Variants in FAF1 observed in about 807,000 individuals in gnomAD.
FAF1 encodes the protein FAS-associated factor 1.
Under a neutral mutation model 92.5 loss-of-function variants are expected in FAF1, and 25 were observed. The observed-to-expected ratio is 0.27, with a 90% CI of 0.20 to 0.38. FAF1 has a LOEUF of 0.38. Ranked by LOEUF, FAF1 falls within the 10% of genes least tolerant of loss-of-function variation. FAF1 has a pLI of 1.00. For missense variants in FAF1, 636 were observed against 793.3 expected (o/e 0.80, Z 2.38); for synonymous variants, 234 against 273.2 (o/e 0.86, Z 1.42).
intron 15 of FAF1, among the ~76,000 whole-genome samples, chr1:50,513,124 C>T (rs1011769412): frequency 5.3e-5 from 8 of 152,134 alleles, no homozygotes; most frequent in African/African-American, 1.7e-4. Flanking sequence ...ATGTACTAAG[C>T]GTTTCCAGGC....
chr1:50,562,958 AT>A (rs1427230140), intron 13 of FAF1, among the ~76,000 whole-genome samples: 10 of 152,312 alleles, frequency 6.6e-5, no homozygotes, highest in Middle Eastern at 3.4e-3. Context: ...TTTCCTTGTC[AT>A]TTTACCTAAA....
At position 50,477,864 on chromosome 1, in the gene FAF1, G is replaced by A. The variant is rs935367544; in HGVS notation, c.1654-2185C>T. Among the ~76,000 whole-genome samples, 23 of 152,170 alleles carry A rather than the reference G, an allele frequency of 1.5e-4. 1 individual carries two copies. Among genetic ancestry groups the A allele is most frequent in the Admixed American group, 1.1e-3 (17 of 15,282 alleles). On this transcript the variant is annotated intron_variant, in intron 17 of 18. Coordinates refer to ENST00000396153, the MANE Select transcript of FAF1 (RefSeq NM_007051.3). ...TGGAAGGGAAGGAATAAACTAACAT[G>A]CTAACTGAAATAATATATGTAAAAG...
At chr1:50,957,995 T>C (rs1009432031) in intron 1 of FAF1, among the ~76,000 whole-genome samples, 1 of 152,096 alleles carries the variant, frequency 6.6e-6, no homozygotes, top group African/African-American at 2.4e-5. Flanking sequence ...AAAAAGACGA[T>C]GATGAAAAAC....
chr1:50,942,871 A>G (rs979702327), intron 1 of FAF1, among the ~76,000 whole-genome samples: 3 of 151,988 alleles, frequency 2.0e-5, no homozygotes, highest in Non-Finnish European at 4.4e-5. Context: ...CCCTGTGCTT[A>G]GGGAATGTGA....
chr1:50,552,821 T>C (rs899200342), intron 13 of FAF1, among the ~76,000 whole-genome samples: 2 of 152,122 alleles, frequency 1.3e-5, no homozygotes, highest in African/African-American at 4.8e-5. Context: ...GAAATAGATA[T>C]CTCAGTTAGG....
At chr1:50,636,379 CT>C (rs1213567555) in intron 8 of FAF1, among the ~76,000 whole-genome samples, 3,561 of 79,964 alleles carry the variant, frequency 0.045, 19 homozygotes, top group African/African-American at 0.07. Context: ...GGGGCGTGTC[CT>C]TTTTTTTTTT....
chr1:50,692,293 G>GTGTGT (rs1553128968), intron 7 of FAF1, among the ~76,000 whole-genome samples: 43 of 142,234 alleles, frequency 3.0e-4, no homozygotes, highest in Admixed American at 1.3e-3. Context: ...GTGTGTGTGT[G>GTGTGT]GTGGGAACAT....
chr1:50,825,732 T>C (rs1644090878), intron 2 of FAF1, among the ~76,000 whole-genome samples: 1 of 152,096 alleles, frequency 6.6e-6, no homozygotes, highest in African/African-American at 2.4e-5. Flanking sequence ...TTTTCATGTG[T>C]ACAAAAAACA....
chr1:50,809,272 GA>G (rs911284203), intron 2 of FAF1, among the ~76,000 whole-genome samples: 2 of 151,920 alleles, frequency 1.3e-5, no homozygotes, highest in African/African-American at 4.8e-5. Context: ...AAGCTGAAAT[GA>G]AGGAAACTGA....
intron 2 of FAF1, among the ~76,000 whole-genome samples, chr1:50,836,441 C>G (rs1196766601): frequency 6.6e-6 from 1 of 152,064 alleles, no homozygotes. Flanking sequence ...TAATCTCTTA[C>G]AAATGGTAAT....
chr1:50,674,644 T>G (rs1167401193), intron 7 of FAF1, among the ~76,000 whole-genome samples: 1 of 152,208 alleles, frequency 6.6e-6, no homozygotes, highest in African/African-American at 2.4e-5. Flanking sequence ...TTTTTTGGCG[T>G]GTTTTACTGC....
At chr1:50,549,914 G>A (rs1649223221) in intron 13 of FAF1, among the ~76,000 whole-genome samples, 1 of 152,070 alleles carries the variant, frequency 6.6e-6, no homozygotes, top group African/African-American at 2.4e-5. Context: ...AGCCAAATTT[G>A]GACACTTTGT....
intron 8 of FAF1, among the ~76,000 whole-genome samples, chr1:50,625,128 G>C (rs1653438684): frequency 6.6e-6 from 1 of 151,978 alleles, no homozygotes; most frequent in Non-Finnish European, 1.5e-5. Context: ...TCGAACTCCT[G>C]ACCTTAGATG....
At chr1:50,580,437 T>C (rs1453027381) in intron 12 of FAF1, among the ~76,000 whole-genome samples, 9 of 151,932 alleles carry the variant, frequency 5.9e-5, no homozygotes, top group Non-Finnish European at 1.2e-4. Context: ...TTGAGATGCC[T>C]ATATATGGAA....
intron 1 of FAF1, among the ~76,000 whole-genome samples, chr1:50,946,616 C>T (rs115185740): frequency 7.7e-4 from 118 of 152,324 alleles, no homozygotes; most frequent in Non-Finnish European, 1.5e-3. Context: ...TTTTATCCTG[C>T]TAGCAAGCTA....
chr1:50,467,734 C>T (rs910189671), intron 18 of FAF1, among the ~76,000 whole-genome samples: 1 of 152,136 alleles, frequency 6.6e-6, no homozygotes. Flanking sequence ...AGGTTTATAT[C>T]TAGTTTTGAT....
intron 2 of FAF1, among the ~76,000 whole-genome samples, chr1:50,839,785 A>C (rs983321668): frequency 6.6e-6 from 1 of 152,122 alleles, no homozygotes; most frequent in Non-Finnish European, 1.5e-5. Context: ...ACATTCTACT[A>C]CAGCCATCCC....
Position 50,950,440 on chromosome 1 carries a change from T to C in FAF1, c.45+9327A>G, listed in dbSNP as rs970039982. ...CCAGACAGTAAATATTTTAGGCTTG[T>C]AAGGCCATTAAAATCTCTGTCTCAA... is the stretch of plus-strand genomic sequence containing the variant. On this transcript the variant is annotated intron_variant, in intron 1 of 18. Transcript: ENST00000396153. 3.3e-5 allele frequency among the ~76,000 whole-genome samples: 5 copies of C among 152,374 alleles called. 1 individual carries two copies. The Middle Eastern group carries it at 0.014, about 415-fold the overall frequency.
intron 18 of FAF1, among the ~76,000 whole-genome samples, chr1:50,456,905 G>C (rs534831964): frequency 6.6e-6 from 1 of 152,202 alleles, no homozygotes; most frequent in Admixed American, 6.5e-5. Flanking sequence ...CTCAAACTTC[G>C]TGTGTACAAT....
Sources: gnomAD v4.1 joint callset for allele counts (sites outside exome capture counted in the v4.1 genomes callset) on GRCh38, gnomAD v4.1.1 for gene constraint, MANE v1.5 for transcripts, NCBI Gene and HGNC (gene_info 2026-07-23, HGNC 2026-07-21) for gene names.